Variants in COL6A6 observed in about 807,000 individuals in gnomAD.
COL6A6 encodes the protein collagen type VI alpha 6 chain.
COL6A6 carries 183 observed loss-of-function variants against 208.6 expected under a neutral mutation model. That is an observed-to-expected ratio of 0.88 (90% CI 0.78 to 0.99). The LOEUF is 0.99. Among genes scored for constraint, COL6A6 ranks in the 50% least tolerant of loss-of-function variants. The pLI, the probability that COL6A6 is intolerant of heterozygous loss-of-function variation, is 0.00. For synonymous variants in COL6A6, 973 were observed against 1,011.8 expected, an observed-to-expected ratio of 0.96 and a Z score of 0.73; for missense variants, 2,816 against 2,815.2, an observed-to-expected ratio of 1.00 and a Z score of -0.01.
chr3:130,554,609 C>T (rs1235953748), intron 1 of COL6A6, among the ~76,000 whole-genome samples: 3 of 152,152 alleles, frequency 2.0e-5, no homozygotes, highest in African/African-American at 4.8e-5. Flanking sequence ...TCCATGCACT[C>T]ATTCATGCTG....
intron 23 of COL6A6, among the ~76,000 whole-genome samples, chr3:130,612,618 G>A (rs919137450): frequency 6.6e-6 from 1 of 152,124 alleles, no homozygotes; most frequent in Non-Finnish European, 1.5e-5. Context: ...AGGACTGCAG[G>A]GCTCCTCTGA....
At position 130,634,061 on chromosome 3, in the gene COL6A6, A is replaced by C. The variant is rs1180613879; in HGVS notation, c.4993-529A>C. Among the ~76,000 whole-genome samples the C allele has an allele frequency of 5.9e-4, 61 of 103,578 alleles. 8 individuals carry two copies. Among genetic ancestry groups the C allele is most frequent in the Non-Finnish European group, 7.5e-4 (45 of 59,828 alleles). The allele number at this position is 103,578 out of a possible 152,430, so 68.0% of individuals were successfully genotyped here. On this transcript the variant is annotated intron_variant, in intron 26 of 36. Transcript: ENST00000358511. ...AAAACTTAGAGTATAATAAAAAAAA[A>C]AAAAAAAAAAAAAAATGCCAGTTAC... is the stretch of plus-strand genomic sequence containing the variant.
chr3:130,635,822 C>T, intron 28 of COL6A6, 61 bp downstream of exon 28: 1 of 1,212,340 alleles, frequency 8.2e-7, no homozygotes, highest in South Asian at 1.3e-5. Context: ...CTCCTTTGTG[C>T]ATTTACAATA....
Position 130,675,419 on chromosome 3 carries a change from C to A in COL6A6, c.*22C>A. On this transcript the variant is annotated 3_prime_UTR_variant, in exon 37 of 37. Transcript: ENST00000358511. ...TTAAAAAAATGCTTGAACAACTTAG[C>A]CTTAGGAAGCATGGTAAGACTCTGG... 2 of 1,517,518 alleles carry A rather than the reference C, an allele frequency of 1.3e-6. No individual in the cohort carries two copies. The highest frequency in any genetic ancestry group is 2.6e-5 in the South Asian group (2 of 77,836). 94.0% of individuals were successfully genotyped at this position (1,517,518 alleles called of 1,614,324 possible).
At chr3:130,607,065 A>T (rs1256498798) in intron 21 of COL6A6, 99 bp downstream of exon 21, 1 of 912,754 alleles carries the variant, frequency 1.1e-6, no homozygotes, top group Middle Eastern at 2.2e-4. Context: ...TCCCTTTTTG[A>T]TGATATTGGT....
chr3:130,649,015 T>C, intron 32 of COL6A6, 54 bp from the exon 33 acceptor site: 4 of 1,314,786 alleles, frequency 3.0e-6, no homozygotes, highest in Non-Finnish European at 4.0e-6. Context: ...CTTCTATGTA[T>C]CTTTTTTTTT....
rs369546804 is a variant in COL6A6 at position 130,560,405 on chromosome 3, A to T, written c.41A>T (p.His14Leu). 209 of 1,611,806 alleles carry T rather than the reference A, an allele frequency of 1.3e-4. No homozygotes were observed. Among genetic ancestry groups the T allele is most frequent in the Non-Finnish European group, 1.6e-4 (192 of 1,179,166 alleles). ...LILFLVIICS[H>L]ISVNQDSGPE... Reference sequence around the variant, plus strand: ...TTGTTCCTCGTGATAATTTGTTCCCATATTTCTGTGAACCAAGATTCCGGT... The same window carrying T: ...TTGTTCCTCGTGATAATTTGTTCCCTTATTTCTGTGAACCAAGATTCCGGT... The change falls in exon 2 of 37, where the codon CAT (histidine) becomes CTT (leucine). Residue 14 changes from histidine to leucine, a missense_variant. By Grantham distance (99) the His-to-Leu change is moderately conservative (BLOSUM62 -3). Coordinates refer to ENST00000358511, the MANE Select transcript of COL6A6 (RefSeq NM_001102608.3).
intron 12 of COL6A6, among the ~76,000 whole-genome samples, chr3:130,590,279 A>T (rs868246856): frequency 1.3e-4 from 2 of 15,316 alleles, no homozygotes; most frequent in Non-Finnish European, 2.6e-4. Context: ...ATATATATAT[A>T]TATATATATA....
At chr3:130,604,388 G>A (rs887440310) in intron 20 of COL6A6, among the ~76,000 whole-genome samples, 20 of 152,044 alleles carry the variant, frequency 1.3e-4, no homozygotes, top group African/African-American at 9.7e-5. Context: ...CCAGCTACTC[G>A]GGAGGCTGAG....
At chr3:130,660,404 T>C (rs1213183123) in intron 34 of COL6A6, among the ~76,000 whole-genome samples, 2 of 152,228 alleles carry the variant, frequency 1.3e-5, no homozygotes, top group Admixed American at 1.3e-4. Context: ...TAGTGAGAAT[T>C]TTCTTACATC....
chr3:130,590,184 T>C (rs1396456228), intron 12 of COL6A6: 2 of 185,132 alleles, frequency 1.1e-5, no homozygotes, highest in African/African-American at 2.5e-5. Context: ...AACCCAGATT[T>C]ACAATATTAT....
chr3:130,668,078 C>A (rs992274215), intron 36 of COL6A6, among the ~76,000 whole-genome samples: 1 of 151,190 alleles, frequency 6.6e-6, no homozygotes, highest in Non-Finnish European at 1.5e-5. Context: ...GGCACAAAGA[C>A]AGCAGAATCA....
At chr3:130,593,133 C>T (rs1393602384) in intron 16 of COL6A6, 28 bp downstream of exon 16, 20 of 1,612,368 alleles carry the variant, frequency 1.2e-5, no homozygotes, top group Non-Finnish European at 1.5e-5. Flanking sequence ...CATAGAGACC[C>T]TTCTGAGCTA....
At chr3:130,615,838 G>T (rs1003447306) in intron 23 of COL6A6, among the ~76,000 whole-genome samples, 3 of 152,116 alleles carry the variant, frequency 2.0e-5, no homozygotes, top group African/African-American at 7.2e-5. Flanking sequence ...ATCCAAAATT[G>T]CATCCACTGG....
intron 24 of COL6A6, among the ~76,000 whole-genome samples, chr3:130,625,478 G>A (rs148193512): frequency 6.6e-6 from 1 of 152,284 alleles, no homozygotes; most frequent in East Asian, 1.9e-4. Context: ...CTGATGTCAT[G>A]TTGATTGTAT....
At chr3:130,620,535 T>C (rs2064682872) in intron 23 of COL6A6, among the ~76,000 whole-genome samples, 1 of 151,990 alleles carries the variant, frequency 6.6e-6, no homozygotes, top group Admixed American at 6.6e-5. Flanking sequence ...GTGGTGGAAG[T>C]GAAAGTTAGA....
chr3:130,542,423 A>T (rs1297180624), intron 1 of COL6A6, among the ~76,000 whole-genome samples: 1 of 152,052 alleles, frequency 6.6e-6, no homozygotes, highest in Non-Finnish European at 1.5e-5. Flanking sequence ...AAATTTGTGA[A>T]CGTGTTTTGT....
At chr3:130,579,731 C>T (rs2063377338) in intron 8 of COL6A6, among the ~76,000 whole-genome samples, 1 of 152,156 alleles carries the variant, frequency 6.6e-6, no homozygotes, top group Non-Finnish European at 1.5e-5. Flanking sequence ...TCACCAATGG[C>T]AGATTCACTT....
intron 1 of COL6A6, among the ~76,000 whole-genome samples, chr3:130,546,553 A>AC (rs1389934411): frequency 2.0e-5 from 3 of 152,020 alleles, no homozygotes; most frequent in Non-Finnish European, 2.9e-5. Flanking sequence ...CCCTTATCTG[A>AC]CCCCACCCAC....
Sources: allele counts gnomAD v4.1 joint callset (sites outside exome capture counted in the v4.1 genomes callset), GRCh38; gene constraint gnomAD v4.1.1; transcripts MANE v1.5; gene names NCBI Gene and HGNC (gene_info 2026-07-23, HGNC 2026-07-21).